Variants in EPSTI1 observed in about 807,000 individuals in gnomAD.
The protein encoded by EPSTI1 is epithelial stromal interaction 1.
EPSTI1 carries 66 observed loss-of-function variants against 49.9 expected under a neutral mutation model. The observed-to-expected ratio is 1.32, with a 90% CI of 1.08 to 1.62. The LOEUF (loss-of-function observed/expected upper bound fraction) is 1.62, where lower values mean the gene tolerates loss of function less well. EPSTI1 is among the 40% of genes most tolerant of loss of function. The pLI is 0.00. For synonymous variants in EPSTI1, 137 were observed against 130.7 expected, an observed-to-expected ratio of 1.05 and a Z score of -0.33; for missense variants, 394 against 365.5, an observed-to-expected ratio of 1.08 and a Z score of -0.64.
At chr13:42,955,510 GTC>G (rs1489970340) in intron 5 of EPSTI1, among the ~76,000 whole-genome samples, 2 of 152,128 alleles carry the variant, frequency 1.3e-5, no homozygotes, top group African/African-American at 4.8e-5. Flanking sequence ...TCCAACAAAA[GTC>G]TGTTTATGGC....
chr13:42,903,113 T>C (rs1411532575), intron 8 of EPSTI1, among the ~76,000 whole-genome samples: 1 of 152,158 alleles, frequency 6.6e-6, no homozygotes, highest in East Asian at 1.9e-4. Flanking sequence ...TTTAATACAA[T>C]GCATTCTGAA....
At chr13:42,983,206 C>T (rs1043747434) in intron 1 of EPSTI1, among the ~76,000 whole-genome samples, 9 of 152,208 alleles carry the variant, frequency 5.9e-5, no homozygotes, top group Non-Finnish European at 1.3e-4. Flanking sequence ...GTAAATGTCA[C>T]ATTACTGCTT....
Position 42,904,453 on chromosome 13 carries a change from T to C in EPSTI1, c.742-4070A>G, listed in dbSNP as rs141828249. ...AAGTTTGACAGAAAACACTCTGGTA[T>C]AGCATCTAAATTAGTGAAACCTAAT... On this transcript the variant is annotated intron_variant, in intron 8 of 10. Coordinates refer to ENST00000313624, the MANE Select transcript of EPSTI1 (RefSeq NM_033255.5). Among the ~76,000 whole-genome samples, 16 of 152,338 alleles carry C rather than the reference T, an allele frequency of 1.1e-4. No individual in the cohort carries two copies. The East Asian group carries it at 2.7e-3, about 26-fold the overall frequency.
At chr13:42,940,348 T>G (rs2038712110) in intron 6 of EPSTI1, among the ~76,000 whole-genome samples, 1 of 152,110 alleles carries the variant, frequency 6.6e-6, no homozygotes, top group Non-Finnish European at 1.5e-5. Context: ...GCTAAGGAGG[T>G]GTTGCCTTCC....
At chr13:42,963,569 C>T (rs565709815) in intron 4 of EPSTI1, 34 of 538,462 alleles carry the variant, frequency 6.3e-5, no homozygotes, top group African/African-American at 4.8e-4. Context: ...TCTTTTTCAA[C>T]GTCTCTGTCT....
At chr13:42,903,705 G>A (rs369222754) in intron 8 of EPSTI1, among the ~76,000 whole-genome samples, 5 of 152,198 alleles carry the variant, frequency 3.3e-5, no homozygotes, top group African/African-American at 4.8e-5. Flanking sequence ...GCCGACTACT[G>A]TAAGAAAGAT....
chr13:42,954,385 A>G (rs2039196470), intron 5 of EPSTI1, among the ~76,000 whole-genome samples: 1 of 152,246 alleles, frequency 6.6e-6, no homozygotes, highest in South Asian at 2.1e-4. Context: ...AATTAAAATT[A>G]TAATAAATGG....
chr13:42,979,081 A>T (rs1219125057), intron 1 of EPSTI1, among the ~76,000 whole-genome samples: 4 of 152,206 alleles, frequency 2.6e-5, no homozygotes, highest in African/African-American at 7.2e-5. Flanking sequence ...TGGTAGCATG[A>T]TTCTGAGCCC....
At chr13:42,964,735 A>T (rs1296430424) in intron 3 of EPSTI1, among the ~76,000 whole-genome samples, 3 of 152,214 alleles carry the variant, frequency 2.0e-5, no homozygotes, top group Admixed American at 2.0e-4. Context: ...ATATAGTCAA[A>T]ATAAAAATAT....
At chr13:42,941,179 G>T (rs1049095688) in intron 6 of EPSTI1, among the ~76,000 whole-genome samples, 1 of 152,024 alleles carries the variant, frequency 6.6e-6, no homozygotes, top group African/African-American at 2.4e-5. Context: ...TTATTGTGTT[G>T]ATTCAATACA....
intron 1 of EPSTI1, among the ~76,000 whole-genome samples, chr13:42,983,583 A>AAAAAAAAC (rs2040026699): frequency 7.0e-6 from 1 of 142,136 alleles, no homozygotes; most frequent in Admixed American, 7.1e-5. Context: ...AAAAAAAAAA[A>AAAAAAAAC]AAAAAACAAT....
chr13:42,953,822 T>C, intron 6 of EPSTI1, 126 bp downstream of exon 6: 1 of 700,124 alleles, frequency 1.4e-6, no homozygotes, highest in Non-Finnish European at 2.3e-6. Context: ...AGAGTTCAAT[T>C]ACATAATTAA....
chr13:42,948,361 T>C (rs566712513), intron 6 of EPSTI1, among the ~76,000 whole-genome samples: 22 of 150,766 alleles, frequency 1.5e-4, no homozygotes, highest in Non-Finnish European at 2.6e-4. Flanking sequence ...GGGAGGGCCA[T>C]AGGGGAAGTG....
intron 6 of EPSTI1, among the ~76,000 whole-genome samples, chr13:42,931,665 AC>A (rs752955475): frequency 4.3e-4 from 65 of 152,124 alleles, no homozygotes; most frequent in Non-Finnish European, 7.9e-4. Context: ...AAACTAACAG[AC>A]TTTTTTCTTT....
At chr13:42,986,441 G>A (rs2040079600) in intron 1 of EPSTI1, among the ~76,000 whole-genome samples, 1 of 151,978 alleles carries the variant, frequency 6.6e-6, no homozygotes, top group Admixed American at 6.6e-5. Flanking sequence ...ATGCGATTGG[G>A]GGGTTAAAAC....
At chr13:42,954,169 C>T (rs1397487688) in intron 5 of EPSTI1, 148 bp from the exon 6 acceptor site, 12 of 603,054 alleles carry the variant, frequency 2.0e-5, no homozygotes, top group Non-Finnish European at 3.4e-5. Context: ...AGATGGTACT[C>T]CCTGTCAGAC....
intron 6 of EPSTI1, among the ~76,000 whole-genome samples, chr13:42,939,056 C>T (rs2038663757): frequency 6.6e-6 from 1 of 152,098 alleles, no homozygotes; most frequent in African/African-American, 2.4e-5. Context: ...TGGCTTCTTC[C>T]CTTAAACCTC....
At chr13:42,911,303 G>C (rs983156312) in intron 8 of EPSTI1, among the ~76,000 whole-genome samples, 1 of 115,732 alleles carries the variant, frequency 8.6e-6, no homozygotes, top group Non-Finnish European at 2.1e-5. Flanking sequence ...GTGTGCACAT[G>C]CTTCCTTTAT....
At chr13:42,919,261 T>G (rs182291315) in intron 7 of EPSTI1, 3 of 1,607,746 alleles carry the variant, frequency 1.9e-6, no homozygotes, top group Non-Finnish European at 2.6e-6. Context: ...TCCAAACTTA[T>G]GAAAAGTTCA....
Sources: gnomAD v4.1 joint callset for allele counts (sites outside exome capture counted in the v4.1 genomes callset) on GRCh38, gnomAD v4.1.1 for gene constraint, MANE v1.5 for transcripts, NCBI Gene and HGNC (gene_info 2026-07-23, HGNC 2026-07-21) for gene names.